CDS2: variants seen among roughly 807,000 people sequenced by gnomAD.
CDS2 encodes phosphatidate cytidylyltransferase 2.
CDS2 carries 47 observed loss-of-function variants against 59.0 expected under a neutral mutation model. The observed-to-expected ratio is 0.80, with a 90% CI of 0.63 to 1.02. The LOEUF (loss-of-function observed/expected upper bound fraction) is 1.02. Among genes scored for constraint, CDS2 ranks in the 50% least tolerant of loss-of-function variants. The pLI is 0.00. For missense variants in CDS2, 356 were observed against 558.9 expected, an observed-to-expected ratio of 0.64 and a Z score of 3.66; for synonymous variants, 207 against 206.4, an observed-to-expected ratio of 1.00 and a Z score of -0.02.
At position 5,169,952 on chromosome 20, in the gene CDS2, G is replaced by T. The variant is rs141761299; in HGVS notation, c.58-3571G>T. ...GGGAAGGGTGCCCAGCTTGTCTGGG[G>T]TGGGTGTTTTAGGGTCTCGTGCTTC... On this transcript the variant is annotated intron_variant, in intron 1 of 12. Transcript: ENST00000460006. Among the ~76,000 whole-genome samples, 514 of 152,306 alleles carry T rather than the reference G, an allele frequency of 3.4e-3. 3 individuals carry two copies. The highest frequency in any genetic ancestry group is 0.012 in the African/African-American group (482 of 41,558).
chr20:5,145,776 TC>T (rs1659794283), intron 1 of CDS2, among the ~76,000 whole-genome samples: 1 of 151,896 alleles, frequency 6.6e-6, no homozygotes, highest in African/African-American at 2.4e-5. Context: ...GGGCTTTATC[TC>T]CTATCTTCTG....
chr20:5,145,115 A>G (rs6053155), intron 1 of CDS2, among the ~76,000 whole-genome samples: 4 of 152,098 alleles, frequency 2.6e-5, no homozygotes, highest in African/African-American at 9.6e-5. Context: ...GGGAGACAAG[A>G]CACAGTAGTG....
Position 5,195,823 on chromosome 20 carries a change from C to T in CDS2, c.*5589C>T, listed in dbSNP as rs2091153136. ...AGAAGTGGGTGACCCATTGAGGACA[C>T]ATGATGTGAGGTATTTCTGCCGGAT... On this transcript the variant is annotated 3_prime_UTR_variant, in exon 13 of 13. Transcript: ENST00000460006. The T allele has an allele frequency of 6.6e-6, 1 of 152,132 alleles. No individual in the cohort carries two copies. Among genetic ancestry groups the T allele is most frequent in the Non-Finnish European group, 1.5e-5 (1 of 68,028 alleles). The allele number at this position is 152,132 out of a possible 1,614,324, so 9.4% of individuals were successfully genotyped here. A position where few individuals can be genotyped will look rare whatever the true frequency, so the allele number is the denominator to read the frequency against.
rs2091113180 is a variant in CDS2, at chr20:5,191,372, G to C, written c.*1138G>C. The C allele has an allele frequency of 6.6e-6, 1 of 152,150 alleles. No homozygotes were observed. The highest frequency in any genetic ancestry group is 2.4e-5 in the African/African-American group (1 of 41,432). The allele number at this position is 152,150 out of a possible 1,614,324, so 9.4% of individuals were successfully genotyped here. ...GACCAGTTTAAATGTAGTTTGTATT[G>C]TACTGGGGGACCTTTCGTTGTTGTT... On this transcript the variant is annotated 3_prime_UTR_variant, in exon 13 of 13. Transcript: ENST00000460006.
At chr20:5,169,400 G>A (rs946602981) in intron 1 of CDS2, among the ~76,000 whole-genome samples, 1 of 152,250 alleles carries the variant, frequency 6.6e-6, no homozygotes, top group Non-Finnish European at 1.5e-5. Context: ...CACCAGTCAG[G>A]CACATGAGCA....
chr20:5,146,527 A>C (rs1166985893), intron 1 of CDS2, among the ~76,000 whole-genome samples: 3 of 152,238 alleles, frequency 2.0e-5, no homozygotes, highest in Non-Finnish European at 4.4e-5. Flanking sequence ...CCCAGATGAC[A>C]GATGAAGATG....
At chr20:5,175,008 G>T (rs1057033049) in intron 2 of CDS2, among the ~76,000 whole-genome samples, 175 bp from the exon 3 acceptor site, 1 of 152,164 alleles carries the variant, frequency 6.6e-6, no homozygotes, top group Non-Finnish European at 1.5e-5. Flanking sequence ...TTAGGCATTG[G>T]TACTAGTGGT....
Position 5,173,513 on chromosome 20 carries a change from T to C in CDS2, c.58-10T>C, listed in dbSNP as rs2090971764. On this transcript the variant is annotated splice_polypyrimidine_tract_variant and intron_variant, in intron 1 of 12. Transcript: ENST00000460006. ...TTGACCTTTTTCTCTTCTGTATTTC[T>C]GCCACTTAGGAGTCAGAGTCAGAAG... 1.2e-6 allele frequency: 2 copies of C among 1,613,880 alleles called. No individual in the cohort carries two copies. The highest frequency in any genetic ancestry group is 1.7e-6 in the Non-Finnish European group (2 of 1,179,838).
chr20:5,180,512 T>A (rs2091026275), intron 5 of CDS2, among the ~76,000 whole-genome samples: 1 of 152,164 alleles, frequency 6.6e-6, no homozygotes, highest in African/African-American at 2.4e-5. Flanking sequence ...TAAACTGCCA[T>A]GTCACTGATT....
At chr20:5,185,679 G>T (rs1024209446) in intron 8 of CDS2, 79 bp from the exon 9 acceptor site, 8 of 1,278,622 alleles carry the variant, frequency 6.3e-6, no homozygotes, top group African/African-American at 4.4e-5. Context: ...TGAAAGAAAG[G>T]TTCTTAACAA....
chr20:5,170,419 T>C (rs538192714), intron 1 of CDS2, among the ~76,000 whole-genome samples: 1 of 152,194 alleles, frequency 6.6e-6, no homozygotes, highest in East Asian at 1.9e-4. Context: ...AGAATGCCTT[T>C]GTCCACGGGG....
chr20:5,173,479 T>C lies in CDS2; in HGVS notation c.58-44T>C, dbSNP rs374312780. On this transcript the variant is annotated intron_variant, in intron 1 of 12. Transcript: ENST00000460006. ...AGGCATAGACTTCTCAATGGTCTAC[T>C]CGGCACTTTTGACCTTTTTCTCTTC... 15 of 1,611,080 alleles carry C rather than the reference T, an allele frequency of 9.3e-6. No homozygotes were observed. In the African/African-American group the frequency reaches 1.9e-4, roughly 20 times the overall value.
intron 1 of CDS2, among the ~76,000 whole-genome samples, chr20:5,146,471 G>T (rs965221068): frequency 6.6e-6 from 1 of 152,208 alleles, no homozygotes; most frequent in Non-Finnish European, 1.5e-5. Flanking sequence ...GTTGAGTAGC[G>T]TAAGGAGACG....
intron 1 of CDS2, among the ~76,000 whole-genome samples, chr20:5,171,752 T>C (rs895484105): frequency 6.6e-5 from 10 of 151,974 alleles, no homozygotes; most frequent in African/African-American, 1.9e-4. Flanking sequence ...GGAAGGAGGG[T>C]CCTTACCTTA....
intron 1 of CDS2, among the ~76,000 whole-genome samples, chr20:5,140,266 A>G (rs537510875): frequency 2.0e-5 from 3 of 152,306 alleles, no homozygotes; most frequent in Admixed American, 6.5e-5. Flanking sequence ...ATGCTGCAGT[A>G]TGGTATTCTT....
chr20:5,134,482 C>CT (rs1178655102), intron 1 of CDS2, among the ~76,000 whole-genome samples: 1 of 151,990 alleles, frequency 6.6e-6, no homozygotes, highest in Admixed American at 6.6e-5. Flanking sequence ...ATAATACAAT[C>CT]TTTTTTAAAT....
intron 1 of CDS2, among the ~76,000 whole-genome samples, chr20:5,131,323 G>A (rs2090606327): frequency 6.6e-6 from 1 of 152,198 alleles, no homozygotes; most frequent in Non-Finnish European, 1.5e-5. Context: ...TCTGGGAACT[G>A]TGCTTATAAT....
intron 1 of CDS2, among the ~76,000 whole-genome samples, chr20:5,170,241 C>A (rs574646389): frequency 5.9e-5 from 7 of 117,802 alleles, no homozygotes; most frequent in Non-Finnish European, 9.5e-5. Context: ...CATCTCCCCA[C>A]CTCGCTGTGC....
chr20:5,161,087 CAT>C (rs1235739991), intron 1 of CDS2, among the ~76,000 whole-genome samples: 50 of 152,158 alleles, frequency 3.3e-4, no homozygotes, highest in African/African-American at 1.2e-3. Flanking sequence ...ATTGCTGAGT[CAT>C]GTGGTAATTC....
Sources: allele counts gnomAD v4.1 joint callset (sites outside exome capture counted in the v4.1 genomes callset), GRCh38; gene constraint gnomAD v4.1.1; transcripts MANE v1.5; gene names NCBI Gene and HGNC (gene_info 2026-07-23, HGNC 2026-07-21).